COL4A4: variants seen among roughly 807,000 people sequenced by gnomAD.
The protein encoded by COL4A4 is collagen type IV alpha 4 chain.
In COL4A4, 105 loss-of-function variants were observed where a neutral mutation model predicts 192.9. That is an observed-to-expected ratio of 0.54 (90% confidence interval 0.46 to 0.64). The LOEUF is 0.64. COL4A4 is among the 30% of genes least tolerant of loss of function. COL4A4 has a pLI of 0.00. For synonymous variants in COL4A4, 762 were observed against 769.9 expected (o/e 0.99, Z 0.17); for missense variants, 1,967 against 2,169.3 (o/e 0.91, Z 1.85).
chr2:227,007,956 T>C, intron 47 of COL4A4, 62 bp downstream of exon 47: 1 of 1,574,352 alleles, frequency 6.4e-7, no homozygotes, highest in Non-Finnish European at 8.6e-7. Context: ...CAGAGAGAAA[T>C]GGCGGGAGAA....
In COL4A4 at chr2:227,051,019, A is replaced by G. The variant is rs201962241; in HGVS notation, c.3108T>C (p.Gly1036=). ...PGPPGPPGST[G]LRGFIGFPGL... Reference sequence around the variant, plus strand: ...CTGGAAAACCAATGAACCCTCTTAGACCAGTTGAGCCTGGAGGGCCTGGGG... The same window carrying G: ...CTGGAAAACCAATGAACCCTCTTAGGCCAGTTGAGCCTGGAGGGCCTGGGG... The change falls in exon 33 of 48, where the codon GGT becomes GGC. Residue 1036 remains glycine, a synonymous_variant. Transcript: ENST00000396625. 1.9e-4 allele frequency: 311 copies of G among 1,614,182 alleles called. No individual in the cohort carries two copies. The Middle Eastern group carries it at 2.5e-3, about 13-fold the overall frequency.
At chr2:226,993,092 G>A in the COL4A4 span, among the ~76,000 whole-genome samples, 6 of 152,204 alleles carry the variant, frequency 3.9e-5, no homozygotes, top group Non-Finnish European at 7.3e-5. Context: ...GTCCAAGGCC[G>A]TGTGTGCTGG....
chr2:227,012,357 C>A, intron 44 of COL4A4, 60 bp from the exon 45 acceptor site: 1 of 1,341,498 alleles, frequency 7.5e-7, no homozygotes, highest in South Asian at 1.2e-5. Context: ...TAGCATTTAC[C>A]GTGCTTATAC....
chr2:227,157,974 T>A lies in COL4A4; in HGVS notation c.-102+6033A>T, dbSNP rs562771822. On this transcript the variant is annotated intron_variant, in intron 1 of 47. Coordinates refer to ENST00000396625, the MANE Select transcript of COL4A4 (RefSeq NM_000092.5). ...TACAGGAAAACTACAGAACAATATA[T>A]CTTGTGAATATAAACATGACTCTCC... Among the ~76,000 whole-genome samples, 12 of 152,136 alleles carry A rather than the reference T, an allele frequency of 7.9e-5. No homozygotes were observed. The South Asian group carries it at 2.5e-3, about 32-fold the overall frequency.
At chr2:227,068,251 A>C (rs1008744378) in intron 25 of COL4A4, among the ~76,000 whole-genome samples, 13 of 152,192 alleles carry the variant, frequency 8.5e-5, no homozygotes, top group African/African-American at 2.9e-4. Flanking sequence ...AAAAGGGTCC[A>C]GGACCAGATG....
At position 227,114,684 on chromosome 2, in the gene COL4A4, C is replaced by T; in HGVS notation, c.502G>A (p.Glu168Lys). The T allele has an allele frequency of 6.2e-7, 1 of 1,613,454 alleles. No homozygotes were observed. Among genetic ancestry groups the T allele is most frequent in the East Asian group, 2.2e-5 (1 of 44,862 alleles). Residue 168 changes from glutamate (E) to lysine (K), a missense_variant, in exon 8 of 48, where the codon GAA becomes AAA. Coordinates refer to ENST00000396625, the MANE Select transcript of COL4A4 (RefSeq NM_000092.5). ...ACTGAATTTCCTTTTTCTCCCTTTT[C>T]CCCAGGATGGCCCTGAAAATAAAAT... ...GPGGPLGHPGEKGEKGNSVFI... is the reference protein window; with the variant it reads ...GPGGPLGHPGKKGEKGNSVFI...
rs566035504 is a variant in COL4A4 at position 227,126,431 on chromosome 2, C to T, written c.193-5283G>A. Among the ~76,000 whole-genome samples, 11 of 152,308 alleles carry T rather than the reference C, an allele frequency of 7.2e-5. No individual in the cohort carries two copies. In the South Asian group the frequency reaches 2.1e-3, roughly 29 times the overall value. On this transcript the variant is annotated intron_variant, in intron 4 of 47. Transcript: ENST00000396625. ...AACTGTGCAGAGTACAACTTCACAC[C>T]ATGAGCAATGACTCTGAATAACAGA...
chr2:227,097,909 CT>C (rs1181065741), intron 19 of COL4A4, among the ~76,000 whole-genome samples: 1 of 152,174 alleles, frequency 6.6e-6, no homozygotes, highest in Non-Finnish European at 1.5e-5. Flanking sequence ...TTACTCAAGA[CT>C]TTTCTCCTCA....
At chr2:227,152,294 A>G (rs1480082183) in intron 1 of COL4A4, among the ~76,000 whole-genome samples, 1 of 152,210 alleles carries the variant, frequency 6.6e-6, no homozygotes, top group Non-Finnish European at 1.5e-5. Flanking sequence ...AGAAACACCC[A>G]TTTTTGGATA....
chr2:227,001,079 T>TTTTCA (rs1271235614), downstream of COL4A4, among the ~76,000 whole-genome samples: 4 of 151,460 alleles, frequency 2.6e-5, no homozygotes, highest in Non-Finnish European at 5.9e-5. Context: ...ACACGGCTGG[T>TTTTCA]TTTCATTTCT....
chr2:227,091,402 G>A (rs1394974898), intron 20 of COL4A4, among the ~76,000 whole-genome samples: 1 of 148,004 alleles, frequency 6.8e-6, no homozygotes. Flanking sequence ...TAAACAGCTG[G>A]AGAGTAATAG....
Position 227,078,439 on chromosome 2 carries a change from C to T in COL4A4, c.1804-362G>A, listed in dbSNP as rs191660500. On this transcript the variant is annotated intron_variant, in intron 24 of 47. Transcript: ENST00000396625. The stretch of plus-strand genomic sequence containing the variant: ...TGTATTTTTAGTAGAGACTGAGTTT[C>T]GCCATGTTGGCCAGGCTGGTCTCAA... 3.7e-3 allele frequency among the ~76,000 whole-genome samples: 568 copies of T among 152,170 alleles called. 1 individual carries two copies. Among genetic ancestry groups the T allele is most frequent in the South Asian group, 0.012 (56 of 4,824 alleles).
rs1305609812 is a variant in COL4A4 at position 227,099,621 on chromosome 2, T to C, written c.1098A>G (p.Lys366=). 1 of 1,613,890 alleles carries C rather than the reference T, an allele frequency of 6.2e-7. No homozygotes were observed. The highest frequency in any genetic ancestry group is 1.7e-5 in the Admixed American group (1 of 60,024). ...GAGGAACTGAATAGGAACACAAACC[T>C]TTGAGTGGAAGAGGTGGAGTCACCA... The part of the protein sequence containing the change: ...GVLVTPPLPL[K]GPPGDPGFPG... The change falls in exon 18 of 48, where the codon AAA becomes AAG. Residue 366 remains lysine (K), a splice_region_variant and synonymous_variant. Coordinates refer to ENST00000396625, the MANE Select transcript of COL4A4 (RefSeq NM_000092.5).
rs1294096364 is a variant in COL4A4, at chr2:227,045,831, T to C, written c.3289+1644A>G. The stretch of plus-strand genomic sequence containing the variant: ...ATATATATATACACATATATATATA[T>C]ACACACATATATATATACACATATA... On this transcript the variant is annotated intron_variant, in intron 35 of 47. Coordinates refer to ENST00000396625, the MANE Select transcript of COL4A4 (RefSeq NM_000092.5). 4.6e-4 allele frequency among the ~76,000 whole-genome samples: 32 copies of C among 70,066 alleles called. 7 individuals are homozygous for C. Among genetic ancestry groups the C allele is most frequent in the South Asian group, 1.1e-3 (2 of 1,796 alleles). 46.0% of individuals were successfully genotyped at this position (70,066 alleles called of 152,430 possible).
chr2:227,043,546 C>G (rs1055625332), intron 35 of COL4A4, among the ~76,000 whole-genome samples: 2 of 152,070 alleles, frequency 1.3e-5, no homozygotes, highest in Non-Finnish European at 2.9e-5. Flanking sequence ...TTAACTAATT[C>G]AATTTATTTT....
Position 227,114,520 on chromosome 2 carries a change from G to T in COL4A4, c.558+108C>A, listed in dbSNP as rs543490618. The stretch of plus-strand genomic sequence containing the variant: ...GAGGGTCAGGGTAATGATAAAAATT[G>T]GTGTATTCAGGGACATTTTGAAGAA... On this transcript the variant is annotated intron_variant, in intron 8 of 47. Transcript: ENST00000396625. 176 of 860,256 alleles carry T rather than the reference G, an allele frequency of 2.0e-4. 1 individual carries two copies. In the Admixed American group the frequency reaches 2.9e-3, roughly 14 times the overall value. The allele number at this position is 860,256 out of a possible 1,614,324, so 53.3% of individuals were successfully genotyped here.
chr2:227,028,201 G>C (rs1967420203), intron 41 of COL4A4, among the ~76,000 whole-genome samples, 192 bp from the exon 42 acceptor site: 1 of 152,140 alleles, frequency 6.6e-6, no homozygotes, highest in Non-Finnish European at 1.5e-5. Context: ...CACATGATCG[G>C]CCGAAAGAAC....
At chr2:227,121,496 C>T (rs115515806) in intron 4 of COL4A4, among the ~76,000 whole-genome samples, 28 of 146,656 alleles carry the variant, frequency 1.9e-4, no homozygotes, top group Admixed American at 9.6e-4. Flanking sequence ...CCTAGGAAGC[C>T]GAGGTTGCAG....
chr2:227,159,006 G>A (rs1029200225), intron 1 of COL4A4, among the ~76,000 whole-genome samples: 4 of 152,138 alleles, frequency 2.6e-5, no homozygotes, highest in Admixed American at 2.0e-4. Flanking sequence ...AAGACTTGTA[G>A]AAAAATATTC....
Sources: gnomAD v4.1 joint callset for allele counts (sites outside exome capture counted in the v4.1 genomes callset) on GRCh38, gnomAD v4.1.1 for gene constraint, MANE v1.5 for transcripts, NCBI Gene and HGNC (gene_info 2026-07-23, HGNC 2026-07-21) for gene names.